UGGT2: variants seen among roughly 807,000 people sequenced by gnomAD.
UGGT2 encodes UDP-glucose glycoprotein glucosyltransferase 2, also known as UDP-glucose:glycoprotein glucosyltransferase 2.
In UGGT2, 180 loss-of-function variants were observed where a neutral mutation model predicts 192.1. That is an observed-to-expected ratio of 0.94 (90% CI 0.83 to 1.06). The LOEUF (loss-of-function observed/expected upper bound fraction) is 1.06. UGGT2 is among the 50% of genes least tolerant of loss of function. UGGT2 has a pLI of 0.00. For missense variants in UGGT2, 1,849 were observed against 1,795.7 expected, an observed-to-expected ratio of 1.03 and a Z score of -0.54; for synonymous variants, 580 against 591.0, an observed-to-expected ratio of 0.98 and a Z score of 0.27.
intron 8 of UGGT2, among the ~76,000 whole-genome samples, chr13:95,987,569 A>G (rs1437541100): frequency 1.3e-5 from 2 of 152,212 alleles, no homozygotes; most frequent in African/African-American, 4.8e-5. Context: ...GGATCTAAAA[A>G]TAATTGAAGA....
intron 9 of UGGT2, among the ~76,000 whole-genome samples, chr13:95,985,966 T>G (rs377299694): frequency 6.6e-6 from 1 of 152,164 alleles, no homozygotes; most frequent in Non-Finnish European, 1.5e-5. Context: ...GGCATAGACC[T>G]CCTACTTAGA....
intron 13 of UGGT2, among the ~76,000 whole-genome samples, 169 bp downstream of exon 13, chr13:95,949,166 C>A (rs2049978062): frequency 1.3e-5 from 2 of 152,158 alleles, no homozygotes; most frequent in Admixed American, 1.3e-4. Flanking sequence ...AATACAGTGA[C>A]ATGGCTAGTT....
intron 2 of UGGT2, among the ~76,000 whole-genome samples, chr13:96,031,007 C>T (rs1022688287): frequency 4.6e-5 from 7 of 152,032 alleles, no homozygotes; most frequent in African/African-American, 1.7e-4. Flanking sequence ...ACCCATAGAA[C>T]GTATAACAGC....
chr13:95,877,119 T>C (rs1295378748), intron 29 of UGGT2, 160 bp downstream of exon 29: 4 of 480,428 alleles, frequency 8.3e-6, no homozygotes, highest in Non-Finnish European at 1.4e-5. Context: ...CCTGGCCTTG[T>C]GATCTGCCTG....
chr13:95,903,357 C>G (rs1326936991), intron 20 of UGGT2, among the ~76,000 whole-genome samples: 3 of 152,096 alleles, frequency 2.0e-5, no homozygotes, highest in Non-Finnish European at 2.9e-5. Context: ...AAATGTAGAG[C>G]TCAGTGAATT....
chr13:95,828,800 T>A (rs1398215212), intron 38 of UGGT2, among the ~76,000 whole-genome samples: 1 of 152,106 alleles, frequency 6.6e-6, no homozygotes, highest in Non-Finnish European at 1.5e-5. Context: ...AAAGAGGGAA[T>A]CCTCCCTAAC....
At chr13:95,846,736 C>T (rs1025833946) in intron 36 of UGGT2, among the ~76,000 whole-genome samples, 1 of 152,200 alleles carries the variant, frequency 6.6e-6, no homozygotes, top group African/African-American at 2.4e-5. Context: ...ATTTCTTCAA[C>T]TGATACAGTG....
In UGGT2 at chr13:95,999,231, A is replaced by T. The variant is rs778851978; in HGVS notation, c.737T>A (p.Leu246Gln). 1 of 1,613,512 alleles carries T rather than the reference A, an allele frequency of 6.2e-7. No homozygotes were observed. The highest frequency in any genetic ancestry group is 1.3e-5 in the African/African-American group (1 of 75,026). Residue 246 changes from leucine to glutamine, a missense_variant, in exon 6 of 39, where the codon CTG becomes CAG. Transcript: ENST00000376747. ...LAIKSTEYKA[L>Q]DDTQVKTVTN... ...CTTACTTTTAACTTGGGTATCATCC[A>T]GTGCTTTGTATTCTGTACTCTTAAT... is the stretch of plus-strand genomic sequence containing the variant.
At chr13:95,827,128 G>GA (rs1014468476) in intron 38 of UGGT2, among the ~76,000 whole-genome samples, 2 of 152,074 alleles carry the variant, frequency 1.3e-5, no homozygotes, top group South Asian at 2.1e-4. Flanking sequence ...CAATCCTCTA[G>GA]AAAAAAACAG....
intron 37 of UGGT2, among the ~76,000 whole-genome samples, chr13:95,836,045 T>C (rs1056945219): frequency 6.6e-6 from 1 of 151,332 alleles, no homozygotes; most frequent in Non-Finnish European, 1.5e-5. Context: ...TCAGCCCTTT[T>C]TTTTTGTTTG....
At chr13:95,848,927 ATGTATT>A (rs1285131363) in intron 36 of UGGT2, among the ~76,000 whole-genome samples, 2 of 152,146 alleles carry the variant, frequency 1.3e-5, no homozygotes, top group Admixed American at 1.3e-4. Context: ...ATACCTCTTC[ATGTATT>A]TCAGTGTTCT....
rs1347503420 is a variant in UGGT2, at chr13:95,863,858, C to T, written c.3559-144G>A. On this transcript the variant is annotated intron_variant, in intron 30 of 38. Coordinates refer to ENST00000376747, the MANE Select transcript of UGGT2 (RefSeq NM_020121.4). ...TAACCAAAGACAGGCAATATCTTAGCACAATGTTGTAAACAATCTGGTCTT... is the reference window on the plus strand; with the variant it reads ...TAACCAAAGACAGGCAATATCTTAGTACAATGTTGTAAACAATCTGGTCTT... The T allele has an allele frequency of 1.4e-5, 9 of 664,014 alleles. No individual in the cohort carries two copies. The Admixed American group carries it at 2.1e-4, about 15-fold the overall frequency. The allele number at this position is 664,014 out of a possible 1,614,324, so 41.1% of individuals were successfully genotyped here.
chr13:95,826,587 T>C (rs1403192847), intron 38 of UGGT2, among the ~76,000 whole-genome samples: 1 of 152,040 alleles, frequency 6.6e-6, no homozygotes, highest in Non-Finnish European at 1.5e-5. Flanking sequence ...AGTAAGAAGA[T>C]ATTCTTCAAG....
intron 15 of UGGT2, 50 bp downstream of exon 15, chr13:95,946,987 A>C (rs768096599): frequency 2.1e-5 from 31 of 1,469,076 alleles, no homozygotes; most frequent in Non-Finnish European, 2.5e-5. Context: ...TAATATAGTA[A>C]TGCAAGAATT....
chr13:95,882,567 T>C (rs2047524387), intron 27 of UGGT2, among the ~76,000 whole-genome samples: 1 of 152,140 alleles, frequency 6.6e-6, no homozygotes, highest in African/African-American at 2.4e-5. Flanking sequence ...GCCTGAGGGG[T>C]AGTTAACTTT....
At chr13:95,842,113 T>C (rs143455137) in intron 36 of UGGT2, among the ~76,000 whole-genome samples, 1 of 152,176 alleles carries the variant, frequency 6.6e-6, no homozygotes, top group South Asian at 2.1e-4. Context: ...TGTGAAACCA[T>C]CACATAATTA....
chr13:95,859,310 A>G (rs1889924802), intron 33 of UGGT2, among the ~76,000 whole-genome samples: 1 of 152,138 alleles, frequency 6.6e-6, no homozygotes, highest in African/African-American at 2.4e-5. Flanking sequence ...AAATCTGTAT[A>G]TATTTTCCAT....
rs151226598 is a variant in UGGT2, at chr13:95,901,867, G to C, written c.2503-929C>G. ...AACCACATGACCATCACCATCCCTA[G>C]ATCAACCATTACTCAAACTTTCAGT... On this transcript the variant is annotated intron_variant, in intron 21 of 38. Coordinates refer to ENST00000376747, the MANE Select transcript of UGGT2 (RefSeq NM_020121.4). Among the ~76,000 whole-genome samples, 141 of 152,120 alleles carry C rather than the reference G, an allele frequency of 9.3e-4. 1 individual carries two copies. The highest frequency in any genetic ancestry group is 3.2e-3 in the African/African-American group (134 of 41,518).
chr13:96,019,729 G>A (rs567749272), intron 4 of UGGT2, among the ~76,000 whole-genome samples: 6 of 152,178 alleles, frequency 3.9e-5, no homozygotes, highest in African/African-American at 1.2e-4. Context: ...AGACAGGTAG[G>A]CCATTGGCAA....
Sources: allele counts gnomAD v4.1 joint callset (sites outside exome capture counted in the v4.1 genomes callset), GRCh38; gene constraint gnomAD v4.1.1; transcripts MANE v1.5; gene names NCBI Gene and HGNC (gene_info 2026-07-23, HGNC 2026-07-21).